NUP210: variants seen among roughly 807,000 people sequenced by gnomAD.
NUP210 encodes the protein nucleoporin 210.
In NUP210, 151 loss-of-function variants were observed where a neutral mutation model predicts 196.0. The ratio of observed to expected loss-of-function variants is 0.77; its 90% CI spans 0.67 to 0.88. The LOEUF (loss-of-function observed/expected upper bound fraction) is 0.88, where lower values mean the gene tolerates loss of function less well. Among genes scored for constraint, NUP210 ranks in the 40% least tolerant of loss-of-function variants. The probability of loss-of-function intolerance (pLI) is 0.00; values close to 1 mark genes in which losing one functional copy is unlikely to be tolerated. For missense variants in NUP210, 2,314 were observed against 2,493.7 expected (o/e 0.93, Z 1.53); for synonymous variants, 1,070 against 1,052.7 (o/e 1.02, Z -0.32).
intron 33 of NUP210, among the ~76,000 whole-genome samples, chr3:13,324,501 T>C (rs112295923): frequency 5.9e-5 from 9 of 152,216 alleles, no homozygotes; most frequent in African/African-American, 2.2e-4. Flanking sequence ...TACCTCTGTG[T>C]GCCCCTCTCA....
chr3:13,352,000 G>A lies in NUP210; in HGVS notation c.2734-20C>T. The A allele has an allele frequency of 6.2e-7, 1 of 1,608,560 alleles. No individual in the cohort carries two copies. Among genetic ancestry groups the A allele is most frequent in the Non-Finnish European group, 8.5e-7 (1 of 1,175,364 alleles). ...CTCTGCCTGCAGGAGGCAGATGCAG[G>A]GAGGGTTGGGCCGCATGTGGGAGGG... is the stretch of plus-strand genomic sequence containing the variant. On this transcript the variant is annotated intron_variant, in intron 19 of 39. Coordinates refer to ENST00000254508, the MANE Select transcript of NUP210 (RefSeq NM_024923.4).
chr3:13,369,992 G>A (rs1432124549), intron 13 of NUP210, among the ~76,000 whole-genome samples: 4 of 152,224 alleles, frequency 2.6e-5, no homozygotes, highest in Non-Finnish European at 5.9e-5. Context: ...AGCCTGGGAG[G>A]TGGCAGAGGG....
Position 13,336,841 on chromosome 3 carries a change from G to T in NUP210, c.3630C>A (p.Phe1210Leu). ...CGTCCCGCTTGGTGACAGACCAGTG[G>T]AAGGTCAGGCCTGGCACGGCATTGC... Reference protein sequence around the residue: ...SFGNAVPGLTFHWSVTKRDVL... With the variant: ...SFGNAVPGLTLHWSVTKRDVL... The change falls in exon 27 of 40, where the codon TTC becomes TTA. Residue 1210 changes from phenylalanine to leucine, a missense_variant. Coordinates refer to ENST00000254508, the MANE Select transcript of NUP210 (RefSeq NM_024923.4). The T allele has an allele frequency of 6.2e-7, 1 of 1,613,962 alleles. No individual in the cohort carries two copies. Among genetic ancestry groups the T allele is most frequent in the South Asian group, 1.1e-5 (1 of 91,070 alleles).
intron 6 of NUP210, among the ~76,000 whole-genome samples, chr3:13,380,114 T>C (rs763726683): frequency 2.0e-5 from 3 of 152,184 alleles, no homozygotes; most frequent in Non-Finnish European, 4.4e-5. Context: ...CCCAAGAAGC[T>C]CTGGTCACTG....
In NUP210 at chr3:13,415,831, C is replaced by T. The variant is rs1700330691; in HGVS notation, c.167+4229G>A. Among the ~76,000 whole-genome samples the T allele has an allele frequency of 2.6e-5, 4 of 152,318 alleles. 1 individual carries two copies. In the South Asian group the frequency reaches 8.3e-4, roughly 32 times the overall value. ...GAAGCCAGCTAGGCCAGATGACACT[C>T]TGACTTGGCTCAGCGTGCATCCCTC... On this transcript the variant is annotated intron_variant, in intron 1 of 39. Transcript: ENST00000254508.
At chr3:13,337,133 C>G in intron 26 of NUP210, 1 of 463,304 alleles carries the variant, frequency 2.2e-6, no homozygotes, top group African/African-American at 2.0e-5. Context: ...CTGCAGCGGG[C>G]TGCACCTCTC....
At chr3:13,344,643 G>A (rs572984575) in intron 20 of NUP210, among the ~76,000 whole-genome samples, 116 of 152,226 alleles carry the variant, frequency 7.6e-4, no homozygotes, top group Non-Finnish European at 1.5e-3. Context: ...GCTGCCCAGT[G>A]CTCTGAGAAT....
At chr3:13,343,093 GC>G in intron 21 of NUP210, 81 bp downstream of exon 21, 1 of 1,542,004 alleles carries the variant, frequency 6.5e-7, no homozygotes, top group Non-Finnish European at 8.9e-7. Flanking sequence ...CAAAGGCCAT[GC>G]GGAACATTCC....
chr3:13,358,099 C>A (rs576386192), intron 16 of NUP210, 123 bp downstream of exon 16: 3 of 844,544 alleles, frequency 3.6e-6, no homozygotes. Flanking sequence ...GTTGTTGAGA[C>A]GAAGGAAGTG....
chr3:13,393,212 A>G (rs1001270836), intron 3 of NUP210, among the ~76,000 whole-genome samples: 1 of 152,174 alleles, frequency 6.6e-6, no homozygotes, highest in Non-Finnish European at 1.5e-5. Flanking sequence ...CCCCCATGAC[A>G]TGTCCAGTGT....
chr3:13,317,708 C>T lies in NUP210; in HGVS notation c.5637G>A (p.Leu1879=). The T allele has an allele frequency of 6.2e-7, 1 of 1,610,900 alleles. No homozygotes were observed. The highest frequency in any genetic ancestry group is 8.5e-7 in the Non-Finnish European group (1 of 1,178,860). Residue 1879 remains leucine, a synonymous_variant, in exon 40 of 40, where the codon CTG becomes CTA. Coordinates refer to ENST00000254508, the MANE Select transcript of NUP210 (RefSeq NM_024923.4). ...AGTGGGAGGCATAGGCTGGGCTCCA[C>T]AGCCCTGAGGGAGGGCTGGCTTTGC... ...PARKASPPSG[L]WSPAYASH
chr3:13,384,499 A>C (rs9850371), intron 6 of NUP210, among the ~76,000 whole-genome samples: 94,763 of 152,156 alleles, frequency 0.62, 31,105 homozygotes, highest in African/African-American at 0.85. Context: ...CTCAGAAGAA[A>C]TGAGGCAGGA....
chr3:13,395,420 C>T (rs572660965), intron 3 of NUP210, among the ~76,000 whole-genome samples: 3 of 152,310 alleles, frequency 2.0e-5, no homozygotes, highest in Admixed American at 6.5e-5. Context: ...TGGGCTCAAG[C>T]GATTCTCTTG....
intron 12 of NUP210, 144 bp from the exon 13 acceptor site, chr3:13,372,176 G>C (rs1698754142): frequency 1.3e-6 from 1 of 794,692 alleles, no homozygotes; most frequent in East Asian, 2.7e-5. Context: ...GGTGATTCAG[G>C]GACAGAGAGC....
rs1424146451 is a variant in NUP210, at chr3:13,335,562, G to T, written c.3735C>A (p.Gly1245=). Residue 1245 remains glycine, a synonymous_variant, in exon 28 of 40, where the codon GGC becomes GGA. Transcript: ENST00000254508. ...SQYNFAMNVL[G]RVKGRTGLRV... ...TCAGCCCGGTCCGGCCTTTTACCCG[G>T]CCGAGCACGTTCATGGCAAAGTTGT... The T allele has an allele frequency of 1.2e-6, 2 of 1,614,114 alleles. No individual in the cohort carries two copies. The highest frequency in any genetic ancestry group is 2.2e-5 in the South Asian group (2 of 91,086).
At chr3:13,320,979 A>C (rs6763179) in intron 36 of NUP210, among the ~76,000 whole-genome samples, 7,971 of 152,040 alleles carry the variant, frequency 0.052, 303 homozygotes, top group African/African-American at 0.1. Context: ...TCACGCCGCC[A>C]GCGGGCTGGC....
chr3:13,322,042 T>TC (rs1696552076), intron 35 of NUP210, 151 bp downstream of exon 35: 12 of 1,147,832 alleles, frequency 1.0e-5, no homozygotes, highest in Non-Finnish European at 1.5e-5. Context: ...TCCTCCCAAG[T>TC]CCCCCTGGCG....
intron 14 of NUP210, among the ~76,000 whole-genome samples, chr3:13,365,336 G>A (rs779883384): frequency 7.9e-5 from 12 of 152,178 alleles, no homozygotes; most frequent in African/African-American, 1.2e-4. Flanking sequence ...CATTTTACAG[G>A]CAGGGAATGT....
chr3:13,353,530 C>A, intron 18 of NUP210, 24 bp downstream of exon 18: 1 of 1,579,472 alleles, frequency 6.3e-7, no homozygotes, highest in Non-Finnish European at 8.7e-7. Flanking sequence ...CATAGCCCAC[C>A]CACCACTGGG....
Sources: gnomAD v4.1 joint callset for allele counts (sites outside exome capture counted in the v4.1 genomes callset) on GRCh38, gnomAD v4.1.1 for gene constraint, MANE v1.5 for transcripts, NCBI Gene and HGNC (gene_info 2026-07-23, HGNC 2026-07-21) for gene names.